The following SHTN1 variants were observed in gnomAD, a reference collection of about 807,000 sequenced individuals.
SHTN1 encodes the protein shootin-1.
Under a neutral mutation model 83.1 loss-of-function variants are expected in SHTN1, and 42 were observed. That is an observed-to-expected ratio of 0.51 (90% CI 0.39 to 0.65). SHTN1 has a LOEUF of 0.65. Among genes scored for constraint, SHTN1 ranks in the 30% least tolerant of loss-of-function variants. The pLI is 0.00. For synonymous variants in SHTN1, 224 were observed against 247.7 expected, an observed-to-expected ratio of 0.90 and a Z score of 0.90; for missense variants, 622 against 737.8, an observed-to-expected ratio of 0.84 and a Z score of 1.82.
At chr10:117,003,042 T>G (rs1477456655) in intron 1 of SHTN1, among the ~76,000 whole-genome samples, 1 of 152,108 alleles carries the variant, frequency 6.6e-6, no homozygotes, top group Non-Finnish European at 1.5e-5. Context: ...TATAAGCAAT[T>G]TGCAGATTAT....
chr10:117,004,354 T>TA (rs1215460320), intron 1 of SHTN1, among the ~76,000 whole-genome samples: 1 of 152,166 alleles, frequency 6.6e-6, no homozygotes, highest in Non-Finnish European at 1.5e-5. Flanking sequence ...TATTAAAGGA[T>TA]AATCCCCAGT....
chr10:116,969,312 G>A (rs187310798), intron 2 of SHTN1, among the ~76,000 whole-genome samples: 170 of 152,114 alleles, frequency 1.1e-3, no homozygotes, highest in African/African-American at 3.8e-3. Flanking sequence ...GTGGTGGTGC[G>A]CACCTGTAAT....
At chr10:116,949,437 A>G (rs1438682710) in intron 6 of SHTN1, among the ~76,000 whole-genome samples, 1 of 152,168 alleles carries the variant, frequency 6.6e-6, no homozygotes, top group African/African-American at 2.4e-5. Flanking sequence ...GCCATGATTC[A>G]TATTTTTAAT....
Position 116,886,544 on chromosome 10 carries a change from T to C in SHTN1, c.1696A>G (p.Arg566Gly), listed in dbSNP as rs1260982480. The change falls in exon 17 of 17, where the codon AGG (arginine) becomes GGG (glycine). Residue 566 changes from arginine to glycine, a missense_variant. Arg to Gly is a moderately radical substitution (Grantham distance 125). Coordinates refer to ENST00000355371, the MANE Select transcript of SHTN1 (RefSeq NM_001127211.3). Reference sequence around the variant, plus strand: ...TTTTCACCGTCAATGTATTTTTTCCTGCATCCAATGCTACTGGGAGGCCTA... The same window carrying C: ...TTTTCACCGTCAATGTATTTTTTCCCGCATCCAATGCTACTGGGAGGCCTA... Reference protein sequence around the residue: ...TFQPPSSIGCRKKYIDGEKQA... With the variant: ...TFQPPSSIGCGKKYIDGEKQA... 3.7e-6 allele frequency: 6 copies of C among 1,614,054 alleles called. No homozygotes were observed. Among genetic ancestry groups the C allele is most frequent in the Non-Finnish European group, 3.4e-6 (4 of 1,180,052 alleles).
chr10:116,961,807 C>T (rs1209725896), intron 3 of SHTN1, among the ~76,000 whole-genome samples: 1 of 152,162 alleles, frequency 6.6e-6, no homozygotes, highest in Non-Finnish European at 1.5e-5. Context: ...TCTTTGACTG[C>T]TCAAGATCAT....
intron 16 of SHTN1, among the ~76,000 whole-genome samples, chr10:116,897,963 C>T (rs1847580915): frequency 6.6e-6 from 1 of 152,136 alleles, no homozygotes; most frequent in African/African-American, 2.4e-5. Context: ...TTTTCTGACC[C>T]TGGGCAACAC....
chr10:117,069,413 G>C (rs983194197), intron 1 of SHTN1, among the ~76,000 whole-genome samples: 27 of 152,026 alleles, frequency 1.8e-4, no homozygotes, highest in African/African-American at 6.0e-4. Flanking sequence ...GAGGTGAGGA[G>C]AGCTGTAGCT....
chr10:116,897,871 T>C (rs1020583825), intron 16 of SHTN1, among the ~76,000 whole-genome samples: 4 of 152,116 alleles, frequency 2.6e-5, no homozygotes, highest in Non-Finnish European at 5.9e-5. Context: ...GGCACCGGCT[T>C]AGAAAATAAA....
At chr10:117,052,710 G>C (rs1852764307) in intron 1 of SHTN1, among the ~76,000 whole-genome samples, 1 of 151,920 alleles carries the variant, frequency 6.6e-6, no homozygotes, top group Admixed American at 6.6e-5. Context: ...GAAACAACTG[G>C]ATATCCACAT....
chr10:116,953,969 G>T, intron 5 of SHTN1, 73 bp downstream of exon 5: 1 of 1,224,624 alleles, frequency 8.2e-7, no homozygotes, highest in Non-Finnish European at 1.1e-6. Flanking sequence ...TGATTCTGAT[G>T]TGCAGTCAGG....
At chr10:117,118,385 A>C (rs1169290813) in intron 1 of SHTN1, among the ~76,000 whole-genome samples, 1 of 148,278 alleles carries the variant, frequency 6.7e-6, no homozygotes, top group Non-Finnish European at 1.5e-5. Context: ...AAAAAAAAAA[A>C]AAACAGGCAA....
chr10:117,092,273 T>C (rs1853441990), intron 1 of SHTN1, among the ~76,000 whole-genome samples: 1 of 152,232 alleles, frequency 6.6e-6, no homozygotes, highest in Admixed American at 6.5e-5. Context: ...GGTTAGGTTA[T>C]AACTTTGGCC....
At chr10:117,114,680 C>T (rs1217073906) in intron 1 of SHTN1, among the ~76,000 whole-genome samples, 2 of 152,122 alleles carry the variant, frequency 1.3e-5, no homozygotes, top group African/African-American at 2.4e-5. Flanking sequence ...CACTTCAGCT[C>T]ACATTAGAGC....
rs912257830 is a variant in SHTN1 at position 116,983,032 on chromosome 10, C to A, written c.59-3724G>T. ...GAAAGATAGCTGCAGCTTGAGAGCT[C>A]GAGAAGACTTCATCTCTCAGATTTA... is the stretch of plus-strand genomic sequence containing the variant. On this transcript the variant is annotated intron_variant, in intron 1 of 16. Transcript: ENST00000355371. Among the ~76,000 whole-genome samples the A allele has an allele frequency of 4.6e-5, 7 of 151,540 alleles. No homozygotes were observed. The East Asian group carries it at 1.2e-3, about 25-fold the overall frequency.
intron 9 of SHTN1, among the ~76,000 whole-genome samples, chr10:116,932,895 T>C (rs1849022068): frequency 1.3e-5 from 2 of 152,244 alleles, no homozygotes; most frequent in Non-Finnish European, 2.9e-5. Context: ...TTCAGTAGGT[T>C]CTAGGCACGT....
chr10:117,065,153 T>C (rs1211094403), intron 1 of SHTN1, among the ~76,000 whole-genome samples: 1 of 152,014 alleles, frequency 6.6e-6, no homozygotes, highest in Admixed American at 6.6e-5. Flanking sequence ...CTGGGGCCTG[T>C]AGGGAGGTTG....
intron 3 of SHTN1, among the ~76,000 whole-genome samples, chr10:116,963,854 C>T (rs1441871641): frequency 6.6e-6 from 1 of 152,080 alleles, no homozygotes; most frequent in African/African-American, 2.4e-5. Flanking sequence ...CATAAAAGTA[C>T]ATCAAGTATT....
At chr10:116,924,470 G>A (rs183213723) in intron 11 of SHTN1, among the ~76,000 whole-genome samples, 2 of 152,192 alleles carry the variant, frequency 1.3e-5, no homozygotes, top group South Asian at 2.1e-4. Flanking sequence ...ATGATGGAAA[G>A]TGTTAGCTTA....
At chr10:117,027,426 G>T (rs1852347749) in intron 2 of SHTN1, among the ~76,000 whole-genome samples, 1 of 152,142 alleles carries the variant, frequency 6.6e-6, no homozygotes, top group African/African-American at 2.4e-5. Flanking sequence ...CCAGCATCAT[G>T]CTTCCTGTAC....
Sources: allele counts gnomAD v4.1 joint callset (sites outside exome capture counted in the v4.1 genomes callset), GRCh38; gene constraint gnomAD v4.1.1; transcripts MANE v1.5; gene names NCBI Gene and HGNC (gene_info 2026-07-23, HGNC 2026-07-21).